The following TRPA1 variants were observed in gnomAD, a reference collection of about 807,000 sequenced individuals.
TRPA1 encodes transient receptor potential cation channel subfamily A member 1, also known as ankyrin-like with transmembrane domains 1.
TRPA1 carries 129 observed loss-of-function variants against 131.3 expected under a neutral mutation model. The ratio of observed to expected loss-of-function variants is 0.98; its 90% confidence interval spans 0.85 to 1.14. The LOEUF (loss-of-function observed/expected upper bound fraction) is 1.14, where lower values mean the gene tolerates loss of function less well. TRPA1 is among the 50% of genes most tolerant of loss of function. The pLI is 0.00. For missense variants in TRPA1, 1,304 were observed against 1,354.2 expected (o/e 0.96, Z 0.58); for synonymous variants, 441 against 451.7 (o/e 0.98, Z 0.30).
At chr8:72,031,304 C>T (rs569558466) in intron 23 of TRPA1, among the ~76,000 whole-genome samples, 99 of 152,234 alleles carry the variant, frequency 6.5e-4, no homozygotes, top group African/African-American at 1.8e-3. Context: ...CTCTGCCAGG[C>T]GCAGCATTTT....
chr8:72,063,197 C>T (rs542098386), intron 5 of TRPA1, among the ~76,000 whole-genome samples: 16 of 151,956 alleles, frequency 1.1e-4, no homozygotes, highest in Non-Finnish European at 1.6e-4. Context: ...CTGGCCAACA[C>T]GGTGAAACCC....
chr8:72,033,975 A>G (rs1811934766), intron 22 of TRPA1, 149 bp from the exon 23 acceptor site: 2 of 831,758 alleles, frequency 2.4e-6, no homozygotes, highest in South Asian at 3.1e-5. Flanking sequence ...AAAATATAGT[A>G]AACATGGTAA....
At position 72,075,383 on chromosome 8, in the gene TRPA1, C is replaced by T; in HGVS notation, c.27G>A (p.Trp9Ter). Residue 9 changes from tryptophan to a stop codon, truncating the protein, a stop_gained, in exon 1 of 27, where the codon TGG (tryptophan) becomes TGA (stop). Coordinates refer to ENST00000262209, the MANE Select transcript of TRPA1 (RefSeq NM_007332.3). LOFTEE classifies it high-confidence loss of function. MKRSLRKM[W>*]RPGEKKEPQG... ...GGGGCTCCTTCTTTTCTCCAGGGCG[C>T]CACATCTTCCTCAGGCTGCGCTTCA... 4 of 1,610,624 alleles carry T rather than the reference C, an allele frequency of 2.5e-6. No individual in the cohort carries two copies. The highest frequency in any genetic ancestry group is 3.4e-6 in the Non-Finnish European group (4 of 1,179,778).
At chr8:72,064,442 C>T (rs1043358003) in intron 4 of TRPA1, among the ~76,000 whole-genome samples, 1 of 151,928 alleles carries the variant, frequency 6.6e-6, no homozygotes, top group Non-Finnish European at 1.5e-5. Flanking sequence ...GTATTTTCAA[C>T]AATACTTTTC....
chr8:72,071,235 C>A lies in TRPA1; in HGVS notation c.268+476G>T, dbSNP rs375589826. Among the ~76,000 whole-genome samples the A allele has an allele frequency of 5.3e-5, 8 of 152,212 alleles. No individual in the cohort carries two copies. In the East Asian group the frequency reaches 9.7e-4, roughly 18 times the overall value. On this transcript the variant is annotated intron_variant, in intron 2 of 26. Coordinates refer to ENST00000262209, the MANE Select transcript of TRPA1 (RefSeq NM_007332.3). ...TTATATAGCAAAGGTCTTATCACAC[C>A]ACTTCACTGCCTTCATCTCTGTGGC...
rs568065477 is a variant in TRPA1, at chr8:72,022,466, C to T, written c.*440G>A. On this transcript the variant is annotated 3_prime_UTR_variant, in exon 27 of 27. Coordinates refer to ENST00000262209, the MANE Select transcript of TRPA1 (RefSeq NM_007332.3). ...GCAGCTTAGGTTAGGTAGACCTCAA[C>T]CTAATATTTAAGACTATCATCTAAG... is the stretch of plus-strand genomic sequence containing the variant. 14 of 301,470 alleles carry T rather than the reference C, an allele frequency of 4.6e-5. No individual in the cohort carries two copies. Among genetic ancestry groups the T allele is most frequent in the Non-Finnish European group, 8.9e-5 (14 of 156,892 alleles). 18.7% of individuals were successfully genotyped at this position (301,470 alleles called of 1,614,324 possible). A position where few individuals can be genotyped will look rare whatever the true frequency, so the allele number is the denominator to read the frequency against.
intron 23 of TRPA1, among the ~76,000 whole-genome samples, chr8:72,031,111 C>T (rs1268305092): frequency 6.6e-6 from 1 of 152,190 alleles, no homozygotes; most frequent in Non-Finnish European, 1.5e-5. Flanking sequence ...GTAAACAAAA[C>T]AGTCACAGAA....
intron 3 of TRPA1, among the ~76,000 whole-genome samples, chr8:72,067,608 T>C (rs1805961789): frequency 6.6e-6 from 1 of 152,198 alleles, no homozygotes; most frequent in Admixed American, 6.5e-5. Context: ...AACCACACTT[T>C]CACGGCCAAT....
intron 18 of TRPA1, 36 bp downstream of exon 18, chr8:72,039,691 C>T: frequency 7.8e-7 from 1 of 1,280,272 alleles, no homozygotes; most frequent in South Asian, 1.2e-5. Flanking sequence ...ATCCAATAGA[C>T]ACAGCATTAA....
intron 17 of TRPA1, 23 bp downstream of exon 17, chr8:72,046,490 G>C: frequency 7.8e-7 from 1 of 1,286,178 alleles, no homozygotes; most frequent in Non-Finnish European, 1.1e-6. Flanking sequence ...AAACTATTTA[G>C]ATAATGAAAA....
intron 3 of TRPA1, among the ~76,000 whole-genome samples, chr8:72,066,354 T>C (rs887200738): frequency 2.0e-5 from 3 of 152,240 alleles, no homozygotes; most frequent in African/African-American, 7.2e-5. Flanking sequence ...AATCTTTGAA[T>C]TGGCCTACTG....
Position 72,062,899 on chromosome 8 carries a change from T to G in TRPA1, c.707A>C (p.Asn236Thr). 6.2e-7 allele frequency: 1 copy of G among 1,613,972 alleles called. No homozygotes were observed. The highest frequency in any genetic ancestry group is 8.5e-7 in the Non-Finnish European group (1 of 1,179,958). ...YSRQLHINFMNNGKATPLHLA... is the reference protein window; with the variant it reads ...YSRQLHINFMTNGKATPLHLA... ...GTGGAGAGGGGTGGCTTTCCCATTA[T>G]TCATAAAGTTAATGTGCAACTGTCT... is the stretch of plus-strand genomic sequence containing the variant. Residue 236 changes from asparagine (N) to threonine (T), a missense_variant, in exon 6 of 27, where the codon AAT becomes ACT. Asn to Thr is a moderately conservative substitution (Grantham distance 65). Coordinates refer to ENST00000262209, the MANE Select transcript of TRPA1 (RefSeq NM_007332.3).
chr8:72,062,979 T>C (rs775725888), intron 5 of TRPA1, 35 bp from the exon 6 acceptor site: 97 of 1,581,464 alleles, frequency 6.1e-5, no homozygotes, highest in Non-Finnish European at 8.2e-5. Flanking sequence ...ATAACAAATA[T>C]ATAAAATAAA....
intron 17 of TRPA1, among the ~76,000 whole-genome samples, chr8:72,045,224 C>T (rs1390280408): frequency 6.6e-6 from 1 of 151,950 alleles, no homozygotes; most frequent in Admixed American, 6.6e-5. Context: ...AAAATCCCCA[C>T]GAGTCTGCAT....
At chr8:72,065,404 T>G in intron 4 of TRPA1, 47 bp downstream of exon 4, 1 of 1,387,680 alleles carries the variant, frequency 7.2e-7, no homozygotes, top group Non-Finnish European at 1.0e-6. Context: ...CCATGTTGTA[T>G]TCATGAAAAG....
rs1458921572 is a variant in TRPA1 at position 72,068,991 on chromosome 8, T to A, written c.444+32A>T. The A allele has an allele frequency of 6.8e-6, 11 of 1,613,710 alleles. No homozygotes were observed. In the African/African-American group the frequency reaches 1.3e-4, roughly 20 times the overall value. ...TGGGTCCCAGCACCTGCACCGCCGG[T>A]CAGGCCCTTTGGAGCCGGCCAGTAG... On this transcript the variant is annotated intron_variant, in intron 3 of 26. Coordinates refer to ENST00000262209, the MANE Select transcript of TRPA1 (RefSeq NM_007332.3).
Position 72,075,493 on chromosome 8 carries a change from G to T in TRPA1, c.-84C>A. ...GCGAGAGAGCGCTGTCAGCCTGCCA[G>T]GCGCTGGGGTCCGCGCGAGCCCGAG... is the stretch of plus-strand genomic sequence containing the variant. On this transcript the variant is annotated 5_prime_UTR_variant, in exon 1 of 27. In the 5' UTR this introduces an upstream ATG that the reference lacks. Transcript: ENST00000262209. 8.6e-7 allele frequency: 1 copy of T among 1,168,340 alleles called. No homozygotes were observed. The highest frequency in any genetic ancestry group is 1.3e-6 in the Non-Finnish European group (1 of 788,698). The allele number at this position is 1,168,340 out of a possible 1,614,324, so 72.4% of individuals were successfully genotyped here.
rs1332257549 is a variant in TRPA1 at position 72,075,234 on chromosome 8, GA to G, written c.111+64del. The G allele has an allele frequency of 6.2e-6, 8 of 1,290,740 alleles. No homozygotes were observed. In the Admixed American group the frequency reaches 1.3e-4, roughly 22 times the overall value. 80.0% of individuals were successfully genotyped at this position (1,290,740 alleles called of 1,614,324 possible). On this transcript the variant is annotated intron_variant, in intron 1 of 26. Transcript: ENST00000262209. The stretch of plus-strand genomic sequence containing the variant: ...CTCCAAACCAAGGGCTGCCCCCAAG[GA>G]AACCTCCAGCCGACCCCCGCCCGCA...
rs773308165 is a variant in TRPA1, at chr8:72,050,783, T to G, written c.1900A>C (p.Met634Leu). ...TTTTGTTTTAGAGAATTTACCTTCATGCATTCAGGGAGGTATTCTATCATT... is the reference window on the plus strand; with the variant it reads ...TTTTGTTTTAGAGAATTTACCTTCAGGCATTCAGGGAGGTATTCTATCATT... ...TEMIEYLPEC[M>L]KVLLDFCMLH... Residue 634 changes from methionine (M) to leucine (L), a missense_variant, in exon 15 of 27, where the codon ATG (methionine) becomes CTG (leucine). Coordinates refer to ENST00000262209, the MANE Select transcript of TRPA1 (RefSeq NM_007332.3). 6.2e-7 allele frequency: 1 copy of G among 1,606,444 alleles called. No homozygotes were observed. The highest frequency in any genetic ancestry group is 8.5e-7 in the Non-Finnish European group (1 of 1,174,268).
Sources: gnomAD v4.1 joint callset for allele counts (sites outside exome capture counted in the v4.1 genomes callset) on GRCh38, gnomAD v4.1.1 for gene constraint, MANE v1.5 for transcripts, NCBI Gene and HGNC (gene_info 2026-07-23, HGNC 2026-07-21) for gene names.